The following NAALADL2 variants were observed in gnomAD, a reference collection of about 807,000 sequenced individuals.
NAALADL2 encodes inactive N-acetylated-alpha-linked acidic dipeptidase-like protein 2.
A neutral mutation model predicts 87.2 loss-of-function variants in NAALADL2; 76 were observed. That is an observed-to-expected ratio of 0.87 (90% CI 0.72 to 1.05). The LOEUF is 1.05. NAALADL2 is among the 50% of genes least tolerant of loss of function. The pLI, the probability that NAALADL2 is intolerant of heterozygous loss-of-function variation, is 0.00. For synonymous variants in NAALADL2, 354 were observed against 331.0 expected (o/e 1.07, Z -0.75); for missense variants, 1,089 against 945.8 (o/e 1.15, Z -1.99).
Position 174,776,820 on chromosome 3 carries a change from C to T in NAALADL2, c.-9+39074C>T, listed in dbSNP as rs961184. ...TGTTATGAATAACTTCATTGCTCAC[C>T]ATGCATGACAAAGCTGCATTGTTTG... On this transcript the variant is annotated intron_variant, in intron 3 of 3. Transcript: ENST00000434257. Among the ~76,000 whole-genome samples the T allele has an allele frequency of 2.8e-3, 422 of 152,114 alleles. 1 individual carries two copies. The highest frequency in any genetic ancestry group is 9.6e-3 in the African/African-American group (400 of 41,508).
At chr3:174,644,243 A>T (rs1163818036) in intron 2 of NAALADL2, among the ~76,000 whole-genome samples, 1 of 152,244 alleles carries the variant, frequency 6.6e-6, no homozygotes, top group African/African-American at 2.4e-5. Flanking sequence ...CCTACTGTTG[A>T]TCAGAAGCCT....
chr3:174,853,112 TC>T (rs1346389658), intron 3 of NAALADL2, among the ~76,000 whole-genome samples: 1 of 143,258 alleles, frequency 7.0e-6, no homozygotes, highest in African/African-American at 2.6e-5. Context: ...AAGCCTGTAA[TC>T]CCAGCACTGT....
At chr3:175,361,584 T>C (rs1765016943) in intron 5 of NAALADL2, among the ~76,000 whole-genome samples, 1 of 148,416 alleles carries the variant, frequency 6.7e-6, no homozygotes, top group Non-Finnish European at 1.5e-5. Context: ...TGGTATCTCA[T>C]TGTAGTTTTG....
chr3:175,792,572 A>G (rs7620095), intron 13 of NAALADL2, among the ~76,000 whole-genome samples: 21,434 of 152,220 alleles, frequency 0.14, 3,267 homozygotes, highest in African/African-American at 0.38. Context: ...TGAATTATCT[A>G]AATTCTTTAG....
rs539329656 is a variant in NAALADL2, at chr3:175,783,143, G to T, written c.2190-19862G>T. On this transcript the variant is annotated intron_variant, in intron 13 of 13. Coordinates refer to ENST00000454872, the MANE Select transcript of NAALADL2 (RefSeq NM_207015.3). The stretch of plus-strand genomic sequence containing the variant: ...ATAGTTTGAAGTCAGGTAGTGTGAT[G>T]CCTCCAGCTTTGTTCTTTTGACTTA... 2.8e-3 allele frequency among the ~76,000 whole-genome samples: 424 copies of T among 152,260 alleles called. 2 individuals are homozygous for T. The highest frequency in any genetic ancestry group is 9.2e-3 in the African/African-American group (381 of 41,520).
intron 10 of NAALADL2, among the ~76,000 whole-genome samples, chr3:175,625,735 G>T (rs996154321): frequency 1.3e-5 from 2 of 151,894 alleles, no homozygotes; most frequent in African/African-American, 4.8e-5. Flanking sequence ...ATTTATTCAT[G>T]GTATGATCTT....
At chr3:174,969,813 C>A (rs577008252) in intron 1 of NAALADL2, among the ~76,000 whole-genome samples, 1 of 152,214 alleles carries the variant, frequency 6.6e-6, no homozygotes, top group South Asian at 2.1e-4. Flanking sequence ...GGTTTGTTTC[C>A]ATGGACACCA....
chr3:175,331,236 C>T (rs114433327), intron 5 of NAALADL2, among the ~76,000 whole-genome samples: 1,902 of 152,190 alleles, frequency 0.012, 45 homozygotes, highest in African/African-American at 0.043. Flanking sequence ...GAAGAATTAA[C>T]ACCAATTCTC....
rs532774970 is a variant in NAALADL2, at chr3:175,003,535, C to T, written c.44-93255C>T. ...AGATGCAGTTGTATAATACATGCCA[C>T]GTACAACCTCTGGCCTACCACTACG... On this transcript the variant is annotated intron_variant, in intron 1 of 13. Transcript: ENST00000454872. 1.6e-4 allele frequency among the ~76,000 whole-genome samples: 24 copies of T among 152,160 alleles called. No homozygotes were observed. The South Asian group carries it at 4.1e-3, about 26-fold the overall frequency.
chr3:175,044,709 G>A (rs1754467241), intron 1 of NAALADL2, among the ~76,000 whole-genome samples: 1 of 152,038 alleles, frequency 6.6e-6, no homozygotes, highest in Non-Finnish European at 1.5e-5. Context: ...GGGCCACATA[G>A]GTTGTTTGGG....
intron 10 of NAALADL2, among the ~76,000 whole-genome samples, chr3:175,612,661 A>T (rs1339318769): frequency 6.6e-6 from 1 of 152,160 alleles, no homozygotes; most frequent in Non-Finnish European, 1.5e-5. Flanking sequence ...GCTTTTCAAG[A>T]GGCTAACAGG....
rs868045702 is a variant in NAALADL2 at position 175,199,878 on chromosome 3, T to C, written c.546-34053T>C. Among the ~76,000 whole-genome samples, 90 of 83,684 alleles carry C rather than the reference T, an allele frequency of 1.1e-3. 5 individuals are homozygous for C. Among genetic ancestry groups the C allele is most frequent in the African/African-American group, 3.7e-3 (84 of 22,452 alleles). 54.9% of individuals were successfully genotyped at this position (83,684 alleles called of 152,430 possible). A position where few individuals can be genotyped will look rare whatever the true frequency, so the allele number is the denominator to read the frequency against. ...TATATATATATATTTTTTTTTTTTT[T>C]TTTTTTTTTTTTTTCCTTAGTCCAT... On this transcript the variant is annotated intron_variant, in intron 2 of 13. Coordinates refer to ENST00000454872, the MANE Select transcript of NAALADL2 (RefSeq NM_207015.3).
intron 2 of NAALADL2, among the ~76,000 whole-genome samples, chr3:174,604,025 T>A (rs1013422934): frequency 8.5e-5 from 13 of 152,116 alleles, no homozygotes; most frequent in African/African-American, 3.1e-4. Context: ...TGGAAAAGAG[T>A]GTCTATCCTA....
At chr3:175,612,543 T>C (rs1474048423) in intron 10 of NAALADL2, among the ~76,000 whole-genome samples, 3 of 152,192 alleles carry the variant, frequency 2.0e-5, no homozygotes, top group Admixed American at 2.0e-4. Context: ...CTTAACCCGA[T>C]GTTTAGATTC....
At chr3:175,302,907 A>G (rs1757265543) in intron 4 of NAALADL2, among the ~76,000 whole-genome samples, 1 of 151,744 alleles carries the variant, frequency 6.6e-6, no homozygotes, top group Non-Finnish European at 1.5e-5. Context: ...AAGGATTGAG[A>G]GGATATATGA....
intron 3 of NAALADL2, among the ~76,000 whole-genome samples, chr3:174,801,231 TGTGGGAGGGACCCA>T (rs1375167362): frequency 2.6e-5 from 4 of 152,170 alleles, no homozygotes; most frequent in Non-Finnish European, 5.9e-5. Flanking sequence ...TCCCATGTGT[TGTGGGAGGGACCCA>T]GTGGGAGGTA....
chr3:174,534,989 AAC>A (rs1721602236), intron 1 of NAALADL2, among the ~76,000 whole-genome samples: 1 of 152,198 alleles, frequency 6.6e-6, no homozygotes, highest in East Asian at 1.9e-4. Context: ...ATTGGCAATA[AAC>A]ACATCCTTCT....
chr3:175,550,937 G>A (rs1714237701), intron 9 of NAALADL2, among the ~76,000 whole-genome samples: 1 of 152,218 alleles, frequency 6.6e-6, no homozygotes, highest in African/African-American at 2.4e-5. Context: ...GAAAAGAAAT[G>A]TTATGATAGG....
At chr3:175,040,205 T>C (rs180803450) in intron 1 of NAALADL2, among the ~76,000 whole-genome samples, 1 of 152,314 alleles carries the variant, frequency 6.6e-6, no homozygotes, top group African/African-American at 2.4e-5. Flanking sequence ...AGTGTACAAC[T>C]TTTTAATAAA....
Sources: gnomAD v4.1 joint callset for allele counts (sites outside exome capture counted in the v4.1 genomes callset) on GRCh38, gnomAD v4.1.1 for gene constraint, MANE v1.5 for transcripts, NCBI Gene and HGNC (gene_info 2026-07-23, HGNC 2026-07-21) for gene names.